The following CES5A variants were observed in gnomAD, a reference collection of about 807,000 sequenced individuals.
CES5A encodes the protein carboxylesterase 5A.
CES5A carries 67 observed loss-of-function variants against 62.9 expected under a neutral mutation model. That is an observed-to-expected ratio of 1.07 (90% CI 0.88 to 1.31). The LOEUF (loss-of-function observed/expected upper bound fraction) is 1.31, where lower values mean the gene tolerates loss of function less well. Among genes scored for constraint, CES5A ranks in the 50% most tolerant of loss-of-function variants. The pLI is 0.00. For synonymous variants in CES5A, 296 were observed against 280.8 expected (o/e 1.05, Z -0.54); for missense variants, 748 against 708.5 (o/e 1.06, Z -0.63).
upstream of CES5A, among the ~76,000 whole-genome samples, chr16:55,927,880 C>T (rs983116190): frequency 6.6e-6 from 1 of 152,154 alleles, no homozygotes; most frequent in Non-Finnish European, 1.5e-5. Flanking sequence ...CTTAAGTTCC[C>T]ATCAACTGAC....
intron 1 of CES5A, among the ~76,000 whole-genome samples, chr16:55,924,539 A>T (rs1407809900): frequency 6.6e-6 from 1 of 152,088 alleles, no homozygotes; most frequent in Non-Finnish European, 1.5e-5. Flanking sequence ...TCAAAATACC[A>T]ATGATATTCT....
chr16:55,955,185 C>A (rs2142491544), intron 1 of CES5A, among the ~76,000 whole-genome samples: 1 of 152,290 alleles, frequency 6.6e-6, no homozygotes, highest in African/African-American at 2.4e-5. Flanking sequence ...CAAGAGGCTA[C>A]CAAAGTCACT....
chr16:55,932,392 G>A (rs6499805), intron 2 of CES5A, among the ~76,000 whole-genome samples: 278 of 152,096 alleles, frequency 1.8e-3, no homozygotes, highest in Middle Eastern at 3.4e-3. Flanking sequence ...AAGACACTGG[G>A]GGTACAATGA....
chr16:55,921,071 A>G (rs1247769933), intron 1 of CES5A, among the ~76,000 whole-genome samples: 1 of 152,212 alleles, frequency 6.6e-6, no homozygotes, highest in African/African-American at 2.4e-5. Flanking sequence ...ATACACACTC[A>G]GAGAAGAAAA....
intron 1 of CES5A, among the ~76,000 whole-genome samples, chr16:55,905,896 A>G (rs1488086351): frequency 2.0e-5 from 3 of 152,198 alleles, no homozygotes; most frequent in African/African-American, 7.2e-5. Flanking sequence ...TATTTTTTTA[A>G]TCGCCTAGGA....
intron 1 of CES5A, among the ~76,000 whole-genome samples, chr16:55,915,448 A>G (rs545969521): frequency 6.6e-6 from 1 of 152,164 alleles, no homozygotes; most frequent in South Asian, 2.1e-4. Flanking sequence ...AAGGGGGAGG[A>G]CAAGGGAGAT....
intron 1 of CES5A, among the ~76,000 whole-genome samples, chr16:55,917,943 T>C (rs1597149391): frequency 6.6e-6 from 1 of 152,200 alleles, no homozygotes; most frequent in East Asian, 1.9e-4. Context: ...GTCAACTGGA[T>C]AAGTTGAAAC....
intron 1 of CES5A, among the ~76,000 whole-genome samples, chr16:55,908,300 C>A (rs2034058671): frequency 6.6e-6 from 1 of 152,146 alleles, no homozygotes; most frequent in Admixed American, 6.6e-5. Context: ...CTGTCAGCAT[C>A]CCACTGCAGG....
At chr16:55,924,710 C>A (rs1345236419) in intron 1 of CES5A, among the ~76,000 whole-genome samples, 1 of 151,924 alleles carries the variant, frequency 6.6e-6, no homozygotes. Flanking sequence ...GTGCTACTGG[C>A]ATAAGAATAG....
upstream of CES5A, among the ~76,000 whole-genome samples, chr16:55,928,230 G>A (rs912643139): frequency 2.6e-5 from 4 of 151,766 alleles, no homozygotes; most frequent in Non-Finnish European, 4.4e-5. Flanking sequence ...GCGACAGAGC[G>A]AGACTCTGTC....
intron 1 of CES5A, among the ~76,000 whole-genome samples, chr16:55,913,068 G>C (rs1166776034): frequency 6.6e-6 from 1 of 152,204 alleles, no homozygotes; most frequent in Non-Finnish European, 1.5e-5. Context: ...TTGTGCGGGA[G>C]ACCGGAATTT....
At chr16:55,937,390 A>T (rs1461344217) in intron 2 of CES5A, among the ~76,000 whole-genome samples, 1 of 152,226 alleles carries the variant, frequency 6.6e-6, no homozygotes, top group Admixed American at 6.5e-5. Flanking sequence ...TTGATGATAA[A>T]GCAGTGAGGC....
At position 55,855,564 on chromosome 16, in the gene CES5A, A is replaced by T. The variant is rs1429120485; in HGVS notation, c.1125+813T>A. ...AGAGCTTTTCAGACTGTAGGTAGATAATGCAGCACCTATGCTGCGTGTTAT... is the reference window on the plus strand; with the variant it reads ...AGAGCTTTTCAGACTGTAGGTAGATTATGCAGCACCTATGCTGCGTGTTAT... On this transcript the variant is annotated intron_variant, in intron 9 of 12. Transcript: ENST00000290567. Among the ~76,000 whole-genome samples, 10 of 152,206 alleles carry T rather than the reference A, an allele frequency of 6.6e-5. 1 individual carries two copies. The highest frequency in any genetic ancestry group is 2.4e-4 in the African/African-American group (10 of 41,446).
chr16:55,848,332 T>G lies in CES5A; in HGVS notation c.1423+1292A>C, dbSNP rs13330492. 8.8e-3 allele frequency among the ~76,000 whole-genome samples: 1,335 copies of G among 152,074 alleles called. 23 individuals carry two copies. The highest frequency in any genetic ancestry group is 0.031 in the African/African-American group (1,269 of 41,448). On this transcript the variant is annotated intron_variant, in intron 11 of 12. Transcript: ENST00000290567. Reference sequence around the variant, plus strand: ...GGGGGTCTTACTATGTTTCCCAAACTGGTCTGGAACTCCTGGACTCAAGCA... The same window carrying G: ...GGGGGTCTTACTATGTTTCCCAAACGGGTCTGGAACTCCTGGACTCAAGCA...
intron 1 of CES5A, among the ~76,000 whole-genome samples, chr16:55,891,440 C>T (rs1173956094): frequency 1.3e-5 from 2 of 152,220 alleles, no homozygotes; most frequent in Non-Finnish European, 2.9e-5. Context: ...TAGAACACAG[C>T]TTGGTTTTAT....
chr16:55,849,740 C>G lies in CES5A; in HGVS notation c.1307G>C (p.Arg436Pro). 6.2e-7 allele frequency: 1 copy of G among 1,613,880 alleles called. No homozygotes were observed. The highest frequency in any genetic ancestry group is 1.1e-5 in the South Asian group (1 of 91,074). ...AGAPVYFYEFRHRPQCFEDTK... is the reference protein window; with the variant it reads ...AGAPVYFYEFPHRPQCFEDTK... Reference sequence around the variant, plus strand: ...GTCTTCAAAGCACTGAGGCCGGTGCCGAAACTCATAGAAGTAGACAGGTGC... The same window carrying G: ...GTCTTCAAAGCACTGAGGCCGGTGCGGAAACTCATAGAAGTAGACAGGTGC... The change falls in exon 11 of 13, where the codon CGG (arginine) becomes CCG (proline). Residue 436 changes from arginine (R) to proline (P), a missense_variant. Transcript: ENST00000290567.
intron 1 of CES5A, among the ~76,000 whole-genome samples, chr16:55,891,802 GA>G (rs1340844687): frequency 6.6e-6 from 1 of 152,160 alleles, no homozygotes; most frequent in African/African-American, 2.4e-5. Context: ...ATTCTCATCA[GA>G]TGGGTTTTAT....
At chr16:55,883,423 C>G (rs1717911647) in intron 1 of CES5A, among the ~76,000 whole-genome samples, 1 of 152,126 alleles carries the variant, frequency 6.6e-6, no homozygotes, top group African/African-American at 2.4e-5. Flanking sequence ...AGGCATGCAC[C>G]ACCACACCCA....
At chr16:55,932,680 G>A (rs998701749) in intron 2 of CES5A, among the ~76,000 whole-genome samples, 1 of 152,052 alleles carries the variant, frequency 6.6e-6, no homozygotes, top group Non-Finnish European at 1.5e-5. Context: ...ACCAGGCAGA[G>A]GAAATGCACA....
Sources: gnomAD v4.1 joint callset for allele counts (sites outside exome capture counted in the v4.1 genomes callset) on GRCh38, gnomAD v4.1.1 for gene constraint, MANE v1.5 for transcripts, NCBI Gene and HGNC (gene_info 2026-07-23, HGNC 2026-07-21) for gene names.